The following MAP3K13 variants were observed in gnomAD, a reference collection of about 807,000 sequenced individuals.
The protein encoded by MAP3K13 is leucine zipper-bearing kinase.
Under a neutral mutation model 104.0 loss-of-function variants are expected in MAP3K13, and 52 were observed. The observed-to-expected ratio is 0.50, with a 90% CI of 0.40 to 0.63. The LOEUF (loss-of-function observed/expected upper bound fraction) is 0.63, where lower values mean the gene tolerates loss of function less well. Among genes scored for constraint, MAP3K13 ranks in the 20% least tolerant of loss-of-function variants. The pLI is 0.00. For synonymous variants in MAP3K13, 394 were observed against 442.2 expected, an observed-to-expected ratio of 0.89 and a Z score of 1.37; for missense variants, 914 against 1,218.5, an observed-to-expected ratio of 0.75 and a Z score of 3.72.
intron 2 of MAP3K13, among the ~76,000 whole-genome samples, chr3:185,340,815 G>A (rs1365777063): frequency 1.3e-5 from 2 of 152,082 alleles, no homozygotes; most frequent in Non-Finnish European, 2.9e-5. Context: ...GCCATGCTGT[G>A]AAGAAGGTGC....
chr3:185,329,170 T>C (rs1447480881), intron 2 of MAP3K13: 1 of 701,892 alleles, frequency 1.4e-6, no homozygotes, highest in South Asian at 1.5e-5. Flanking sequence ...GCAAGTGTGC[T>C]GCTAAAACAG....
At chr3:185,376,482 C>T (rs1324504055) in intron 1 of MAP3K13, among the ~76,000 whole-genome samples, 4 of 152,112 alleles carry the variant, frequency 2.6e-5, no homozygotes, top group South Asian at 4.1e-4. Context: ...GGCGCAGTCC[C>T]GGCTCTTGTG....
chr3:185,366,103 T>C (rs1723877426), intron 1 of MAP3K13, among the ~76,000 whole-genome samples: 1 of 151,210 alleles, frequency 6.6e-6, no homozygotes, highest in African/African-American at 2.4e-5. Context: ...ACTCCTCATT[T>C]CTCTTCACCC....
intron 12 of MAP3K13, among the ~76,000 whole-genome samples, chr3:185,478,525 CCT>C (rs1412157690): frequency 6.6e-6 from 1 of 152,096 alleles, no homozygotes; most frequent in Admixed American, 6.5e-5. Context: ...GATCTGCCCC[CCT>C]GACCCCCAAC....
At chr3:185,342,935 C>T in intron 2 of MAP3K13, among the ~76,000 whole-genome samples, 1 of 152,122 alleles carries the variant, frequency 6.6e-6, no homozygotes, top group East Asian at 1.9e-4. Flanking sequence ...CCATTCACTT[C>T]CTTGTGGTTT....
chr3:185,401,446 C>G (rs2108777698), intron 1 of MAP3K13, among the ~76,000 whole-genome samples: 1 of 152,202 alleles, frequency 6.6e-6, no homozygotes, highest in South Asian at 2.1e-4. Context: ...TGTCTTCAGC[C>G]CCTTCTATGG....
intron 7 of MAP3K13, among the ~76,000 whole-genome samples, chr3:185,457,279 G>C (rs964083884): frequency 1.3e-5 from 2 of 152,206 alleles, no homozygotes; most frequent in Non-Finnish European, 1.5e-5. Context: ...GGTCAGAATA[G>C]GAGAGAAGAG....
chr3:185,451,867 C>CA (rs1265471490), intron 7 of MAP3K13, among the ~76,000 whole-genome samples: 1,377 of 54,568 alleles, frequency 0.025, 17 homozygotes, highest in African/African-American at 0.066. Context: ...AACACCGCCT[C>CA]AAAAAAAAAA....
chr3:185,346,809 C>G (rs150301844), intron 2 of MAP3K13, among the ~76,000 whole-genome samples: 45 of 152,150 alleles, frequency 3.0e-4, no homozygotes, highest in African/African-American at 9.9e-4. Context: ...TTACCCTTTC[C>G]AAAGGGTGCA....
In MAP3K13 at chr3:185,418,160, G is replaced by A; in HGVS notation, c.-85-10337G>A. ...TTATCCTCATTATAGATGATGCACA[G>A]GCCCCTGCGCTGGATACGGCGACGG... On this transcript the variant is annotated intron_variant, in intron 1 of 13. Coordinates refer to ENST00000265026, the MANE Select transcript of MAP3K13 (RefSeq NM_004721.5). This position sits in a 1 kb window ranked among gnomAD's most constrained non-coding sequence, Gnocchi z 4.5. 1 of 1,609,824 alleles carries A rather than the reference G, an allele frequency of 6.2e-7. No homozygotes were observed. Among genetic ancestry groups the A allele is most frequent in the Non-Finnish European group, 8.5e-7 (1 of 1,177,682 alleles).
chr3:185,426,548 C>T (rs1331390100), intron 1 of MAP3K13, among the ~76,000 whole-genome samples: 2 of 152,136 alleles, frequency 1.3e-5, no homozygotes, highest in African/African-American at 4.8e-5. Flanking sequence ...CTCCCCATCA[C>T]CTTCAGTATA....
At chr3:185,424,070 G>T (rs772610221) in intron 1 of MAP3K13, among the ~76,000 whole-genome samples, 1 of 152,150 alleles carries the variant, frequency 6.6e-6, no homozygotes, top group Non-Finnish European at 1.5e-5. Flanking sequence ...TATTAGTTCC[G>T]TAAGTAGTCT....
chr3:185,321,430 A>T, intron 2 of MAP3K13, among the ~76,000 whole-genome samples: 1 of 152,234 alleles, frequency 6.6e-6, no homozygotes, highest in East Asian at 1.9e-4. Context: ...CTAGCTACAG[A>T]CATATAGGAT....
In MAP3K13 at chr3:185,465,832, C is replaced by T; in HGVS notation, c.1474C>T (p.Gln492Ter). The T allele has an allele frequency of 6.2e-7, 1 of 1,613,868 alleles. No homozygotes were observed. The highest frequency in any genetic ancestry group is 8.5e-7 in the Non-Finnish European group (1 of 1,179,786). ...CATGGAATTGAGTGCCATCATGCTG[C>T]AGCTAGAAATGCGGGAGAAGGAGCT... is the stretch of plus-strand genomic sequence containing the variant. Reference protein sequence around the residue: ...LYMELSAIMLQLEMREKELIK... With the variant: ...LYMELSAIML The change falls in exon 9 of 14, where the codon CAG (glutamine) becomes TAG (stop). Residue 492 changes from glutamine to a stop codon, truncating the protein, a stop_gained. Transcript: ENST00000265026. LOFTEE classifies it high-confidence loss of function.
At chr3:185,357,771 T>C (rs560145101) in intron 2 of MAP3K13, among the ~76,000 whole-genome samples, 1 of 152,342 alleles carries the variant, frequency 6.6e-6, no homozygotes, top group East Asian at 1.9e-4. Flanking sequence ...AATCATCCTT[T>C]TGACAGGAAT....
At chr3:185,330,046 A>ATTTTTTTTTTT (rs548813356) in intron 2 of MAP3K13, among the ~76,000 whole-genome samples, 6 of 98,274 alleles carry the variant, frequency 6.1e-5, no homozygotes, top group African/African-American at 2.2e-4. Flanking sequence ...TGCCTGGCTA[A>ATTTTTTTTTTT]TTTTTTTTTT....
chr3:185,373,604 T>C (rs1489275887), intron 1 of MAP3K13, among the ~76,000 whole-genome samples: 7 of 152,174 alleles, frequency 4.6e-5, no homozygotes, highest in Non-Finnish European at 1.0e-4. Flanking sequence ...ATCATGCCAC[T>C]GCACTCCAGC....
chr3:185,418,586 C>A lies in MAP3K13; in HGVS notation c.-85-9911C>A. On this transcript the variant is annotated intron_variant, in intron 1 of 13. Coordinates refer to ENST00000265026, the MANE Select transcript of MAP3K13 (RefSeq NM_004721.5). This position sits in a 1 kb window ranked among gnomAD's most constrained non-coding sequence, Gnocchi z 4.5. ...ATAGCTCTGCCAGTACCCCAAGACT[C>A]AGCACTGGTCTGATGACCTGCTAAT... 6.8e-6 allele frequency: 11 copies of A among 1,612,380 alleles called. No individual in the cohort carries two copies. Among genetic ancestry groups the A allele is most frequent in the Non-Finnish European group, 9.3e-6 (11 of 1,179,768 alleles).
chr3:185,311,066 A>G (rs1161609846), intron 2 of MAP3K13, among the ~76,000 whole-genome samples: 8 of 152,348 alleles, frequency 5.3e-5, no homozygotes, highest in East Asian at 1.9e-4. Context: ...AGCACTCAAC[A>G]AGTGGTATGT....
Sources: gnomAD v4.1 joint callset for allele counts (sites outside exome capture counted in the v4.1 genomes callset) on GRCh38, gnomAD v4.1.1 for gene constraint, Gnocchi (gnomAD v3.1) non-coding constraint, MANE v1.5 for transcripts, NCBI Gene and HGNC (gene_info 2026-07-23, HGNC 2026-07-21) for gene names.